The following CCDC171 variants were observed in gnomAD, a reference collection of about 807,000 sequenced individuals.
The protein encoded by CCDC171 is coiled-coil domain containing 171.
CCDC171 carries 177 observed loss-of-function variants against 168.2 expected under a neutral mutation model. The ratio of observed to expected loss-of-function variants is 1.05; its 90% CI spans 0.93 to 1.19. The LOEUF is 1.19. CCDC171 is among the 50% of genes most tolerant of loss of function. The pLI is 0.00. For missense variants in CCDC171, 1,991 were observed against 1,539.0 expected, an observed-to-expected ratio of 1.29 and a Z score of -4.91; for synonymous variants, 687 against 540.8, an observed-to-expected ratio of 1.27 and a Z score of -3.75.
chr9:15,851,190 T>C lies in CCDC171; in HGVS notation c.3468+2243T>C, dbSNP rs147484027. Among the ~76,000 whole-genome samples the C allele has an allele frequency of 6.7e-3, 1,014 of 152,080 alleles. 17 individuals are homozygous for C. The highest frequency in any genetic ancestry group is 0.023 in the African/African-American group (957 of 41,548). ...ACTTGTTAGTTTTTAAGCAACATAT[T>C]TCATTCAACTTTTCAAATACTACAA... On this transcript the variant is annotated intron_variant, in intron 23 of 25. Transcript: ENST00000380701.
At chr9:15,776,122 A>C (rs2057311557) in intron 18 of CCDC171, 1 of 152,098 alleles carries the variant, frequency 6.6e-6, no homozygotes, top group Non-Finnish European at 1.5e-5. Context: ...AAAGCTACTT[A>C]GTTCTTTTTC....
At chr9:15,651,413 GTT>G (rs1160499805) in intron 7 of CCDC171, among the ~76,000 whole-genome samples, 1 of 144,738 alleles carries the variant, frequency 6.9e-6, no homozygotes, top group Non-Finnish European at 1.5e-5. Flanking sequence ...CTGGCCTATA[GTT>G]TTTTTTTTTT....
chr9:16,025,942 G>T (rs1305382850), intron 6 of CCDC171, among the ~76,000 whole-genome samples: 1 of 152,168 alleles, frequency 6.6e-6, no homozygotes, highest in Admixed American at 6.5e-5. Context: ...TGTGTTATGT[G>T]AATTTTACTA....
At chr9:16,040,127 C>G (rs1262248867), upstream of CCDC171, among the ~76,000 whole-genome samples, 3 of 152,108 alleles carry the variant, frequency 2.0e-5, no homozygotes, top group Non-Finnish European at 4.4e-5. Flanking sequence ...CCTGTTACCC[C>G]CTCACTCCAC....
chr9:16,096,792 G>A, the CCDC171 span, among the ~76,000 whole-genome samples: 1 of 152,102 alleles, frequency 6.6e-6, no homozygotes, highest in South Asian at 2.1e-4. Context: ...CCAGCGTACT[G>A]CACCATCCAG....
chr9:15,703,744 A>G (rs2051985652), intron 11 of CCDC171, among the ~76,000 whole-genome samples: 1 of 152,176 alleles, frequency 6.6e-6, no homozygotes, highest in African/African-American at 2.4e-5. Flanking sequence ...TGAGACACTG[A>G]TTTCATTTCT....
At chr9:15,689,316 A>G (rs1317019619) in intron 10 of CCDC171, among the ~76,000 whole-genome samples, 2 of 152,206 alleles carry the variant, frequency 1.3e-5, no homozygotes, top group Non-Finnish European at 2.9e-5. Context: ...TCAAAATCTC[A>G]GTTGACTTTT....
chr9:15,926,354 C>T lies in CCDC171; in HGVS notation c.3753+5932C>T, dbSNP rs1349540090. Among the ~76,000 whole-genome samples the T allele has an allele frequency of 2.0e-5, 3 of 151,632 alleles. No homozygotes were observed. In the East Asian group the frequency reaches 5.8e-4, roughly 29 times the overall value. Reference sequence around the variant, plus strand: ...AGCCACCCAACTCACCCAAACAGCCCGTACCCAGTGAGCCCAAGACTGCTT... The same window carrying T: ...AGCCACCCAACTCACCCAAACAGCCTGTACCCAGTGAGCCCAAGACTGCTT... On this transcript the variant is annotated intron_variant, in intron 25 of 25. Transcript: ENST00000380701.
At chr9:15,911,867 G>C (rs1823700722) in intron 24 of CCDC171, among the ~76,000 whole-genome samples, 1 of 152,154 alleles carries the variant, frequency 6.6e-6, no homozygotes. Context: ...TAGATGTGTG[G>C]TGTTATTTCT....
intron 25 of CCDC171, among the ~76,000 whole-genome samples, chr9:15,944,881 T>TTTCTTTCTTTC: frequency 6.6e-6 from 1 of 151,374 alleles, no homozygotes; most frequent in Non-Finnish European, 1.5e-5. Context: ...TCTTTCTTTC[T>TTTCTTTCTTTC]TTCTTTTTTA....
intron 7 of CCDC171, among the ~76,000 whole-genome samples, chr9:15,656,865 A>G (rs1039444836): frequency 7.9e-5 from 12 of 152,054 alleles, no homozygotes; most frequent in Non-Finnish European, 1.5e-4. Context: ...GTGTGTGTAT[A>G]AAAATTTATC....
Position 15,901,327 on chromosome 9 carries a change from G to A in CCDC171, c.3601-18943G>A, listed in dbSNP as rs574722415. On this transcript the variant is annotated intron_variant, in intron 24 of 25. Transcript: ENST00000380701. ...AATGTCCAACACCAATAGCCGTAAT[G>A]TAAACTGTGGATTTTGGGTGATAGT... Among the ~76,000 whole-genome samples, 7 of 152,236 alleles carry A rather than the reference G, an allele frequency of 4.6e-5. No individual in the cohort carries two copies. In the South Asian group the frequency reaches 1.5e-3, roughly 32 times the overall value.
chr9:15,744,418 C>T lies in CCDC171; in HGVS notation c.2195C>T (p.Ala732Val). The T allele has an allele frequency of 6.2e-7, 1 of 1,614,148 alleles. No individual in the cohort carries two copies. The highest frequency in any genetic ancestry group is 1.7e-5 in the Admixed American group (1 of 60,006). Residue 732 changes from alanine (A) to valine (V), a missense_variant, in exon 17 of 26, where the codon GCA becomes GTA. By Grantham distance (64) the Ala-to-Val change is moderately conservative. Transcript: ENST00000380701. The part of the protein sequence containing the change: ...REQMSLLAAC[A>V]LMAGALYPLY... ...CAGATGTCCTTGCTGGCAGCCTGTG[C>T]ATTAATGGCTGGTGCCTTATATCCC...
intron 3 of CCDC171, among the ~76,000 whole-genome samples, chr9:15,993,008 G>A (rs1019010021): frequency 2.0e-5 from 3 of 152,106 alleles, no homozygotes; most frequent in African/African-American, 7.2e-5. Flanking sequence ...TCATGAAAAT[G>A]GCCATACTTC....
intron 24 of CCDC171, among the ~76,000 whole-genome samples, chr9:15,899,426 G>C (rs1456423423): frequency 6.6e-6 from 1 of 152,076 alleles, no homozygotes; most frequent in Non-Finnish European, 1.5e-5. Context: ...TTTCCAGAAT[G>C]ACTGCCATTT....
At chr9:15,642,360 T>TATATATATATATAC (rs1187334672) in intron 7 of CCDC171, among the ~76,000 whole-genome samples, 34 of 42,166 alleles carry the variant, frequency 8.1e-4, no homozygotes, top group African/African-American at 1.7e-3. Flanking sequence ...TATATATATA[T>TATATATATATATAC]ATATATATAT....
chr9:15,701,755 A>T (rs926548357), intron 11 of CCDC171, among the ~76,000 whole-genome samples: 9 of 152,088 alleles, frequency 5.9e-5, no homozygotes, highest in African/African-American at 1.7e-4. Flanking sequence ...GTAATATCCT[A>T]AATCCTTTAT....
the CCDC171 span, among the ~76,000 whole-genome samples, chr9:16,093,227 C>T: frequency 3.3e-5 from 5 of 152,138 alleles, no homozygotes; most frequent in Non-Finnish European, 7.3e-5. Context: ...AAAACTCAAC[C>T]GGAGGTTGTA....
intron 6 of CCDC171, among the ~76,000 whole-genome samples, chr9:15,597,117 C>G (rs1182320361): frequency 6.6e-6 from 1 of 152,030 alleles, no homozygotes; most frequent in Non-Finnish European, 1.5e-5. Context: ...TTCCTCTTTT[C>G]CTAATTGAAT....
Sources: allele counts gnomAD v4.1 joint callset (sites outside exome capture counted in the v4.1 genomes callset), GRCh38; gene constraint gnomAD v4.1.1; transcripts MANE v1.5; gene names NCBI Gene and HGNC (gene_info 2026-07-23, HGNC 2026-07-21).